Variants in DOK7 observed in about 807,000 individuals in gnomAD.
DOK7 encodes docking protein 7.
DOK7 carries 32 observed loss-of-function variants against 30.7 expected under a neutral mutation model. The observed-to-expected ratio is 1.04, with a 90% CI of 0.79 to 1.40. The LOEUF is 1.40. DOK7 is among the 40% of genes most tolerant of loss of function. The probability of loss-of-function intolerance (pLI) is 0.00; values close to 1 mark genes in which losing one functional copy is unlikely to be tolerated. For synonymous variants in DOK7, 447 were observed against 324.1 expected (o/e 1.38, Z -4.07); for missense variants, 1,007 against 699.2 (o/e 1.44, Z -4.97).
chr4:3,498,483 C>T (rs189108707), downstream of DOK7, among the ~76,000 whole-genome samples: 585 of 152,340 alleles, frequency 3.8e-3, 7 homozygotes, highest in Non-Finnish European at 4.6e-3. Flanking sequence ...AATCCTAAAA[C>T]GAGGTACCAG....
chr4:3,493,503 A>C lies in DOK7; in HGVS notation c.*2A>C. 6.2e-7 allele frequency: 1 copy of C among 1,610,788 alleles called. No homozygotes were observed. Among genetic ancestry groups the C allele is most frequent in the Non-Finnish European group, 8.5e-7 (1 of 1,179,168 alleles). ...CTCAAGGTAAACCCCCCTCCTTGAGAGCCGCAGATCCCGCCCCGCGGCTGC... is the reference window on the plus strand; with the variant it reads ...CTCAAGGTAAACCCCCCTCCTTGAGCGCCGCAGATCCCGCCCCGCGGCTGC... On this transcript the variant is annotated 3_prime_UTR_variant, in exon 7 of 7. Coordinates refer to ENST00000340083, the MANE Select transcript of DOK7 (RefSeq NM_173660.5).
chr4:3,479,030 C>A (rs1263628808), intron 4 of DOK7, among the ~76,000 whole-genome samples: 1 of 152,156 alleles, frequency 6.6e-6, no homozygotes, highest in Non-Finnish European at 1.5e-5. Flanking sequence ...AGATGACCCC[C>A]AAGAGAGGGC....
intron 4 of DOK7, among the ~76,000 whole-genome samples, chr4:3,477,222 T>C (rs1727150739): frequency 6.6e-6 from 1 of 152,272 alleles, no homozygotes; most frequent in Non-Finnish European, 1.5e-5. Flanking sequence ...TGCGCCAGGT[T>C]GCCCTGTGGA....
intron 4 of DOK7, 41 bp from the exon 5 acceptor site, chr4:3,485,498 C>A (rs772667190): frequency 1.3e-6 from 2 of 1,496,920 alleles, no homozygotes; most frequent in South Asian, 1.3e-5. Flanking sequence ...CCCCAGCCCG[C>A]CCTCGGGCCA....
chr4:3,485,797 T>A (rs1200921954), intron 5 of DOK7, 139 bp downstream of exon 5: 1 of 1,296,792 alleles, frequency 7.7e-7, no homozygotes, highest in African/African-American at 1.5e-5. Context: ...CCAGAACCTT[T>A]CCAGGCCAGG....
chr4:3,479,595 C>T (rs1272829476), intron 4 of DOK7, among the ~76,000 whole-genome samples: 1 of 152,258 alleles, frequency 6.6e-6, no homozygotes, highest in Non-Finnish European at 1.5e-5. Flanking sequence ...AACCGCCTCA[C>T]TTGGCCCCGC....
rs1441648881 is a variant in DOK7, at chr4:3,493,062, G to A, written c.1076G>A (p.Ser359Asn). 3 of 1,575,356 alleles carry A rather than the reference G, an allele frequency of 1.9e-6. No individual in the cohort carries two copies. Among genetic ancestry groups the A allele is most frequent in the Non-Finnish European group, 2.6e-6 (3 of 1,165,192 alleles). Reference sequence around the variant, plus strand: ...AGCCTCTCGTCCTACGCGGGCAGCAGCCTGGACGTGTGGCGGGCCACAGAT... The same window carrying A: ...AGCCTCTCGTCCTACGCGGGCAGCAACCTGGACGTGTGGCGGGCCACAGAT... Reference protein sequence around the residue: ...SSSLSSYAGSSLDVWRATDEL... With the variant: ...SSSLSSYAGSNLDVWRATDEL... The change falls in exon 7 of 7, where the codon AGC becomes AAC. Residue 359 changes from serine (S) to asparagine (N), a missense_variant. Coordinates refer to ENST00000340083, the MANE Select transcript of DOK7 (RefSeq NM_173660.5).
chr4:3,476,311 C>T lies in DOK7; in HGVS notation c.332-31C>T, dbSNP rs200458937. ...GTGATGTCCTCTCACCCTGCCCGCC[C>T]GTGATGCCCTCTTGCCCCGCCTGCC... On this transcript the variant is annotated intron_variant, in intron 3 of 6. Coordinates refer to ENST00000340083, the MANE Select transcript of DOK7 (RefSeq NM_173660.5). The T allele has an allele frequency of 1.9e-5, 30 of 1,567,094 alleles. 7 individuals carry two copies. The East Asian group carries it at 5.1e-4, about 26-fold the overall frequency.
chr4:3,489,656 C>T (rs376468312), intron 5 of DOK7, 21 bp from the exon 6 acceptor site: 55 of 1,561,982 alleles, frequency 3.5e-5, no homozygotes, highest in Admixed American at 1.1e-4. Flanking sequence ...CCTCCTCCAC[C>T]GAGTCTTCTC....
intron 4 of DOK7, among the ~76,000 whole-genome samples, chr4:3,479,245 C>G (rs1351790427): frequency 6.6e-6 from 1 of 152,262 alleles, no homozygotes; most frequent in Non-Finnish European, 1.5e-5. Flanking sequence ...CTGCGTGAGC[C>G]TCCTCTTCAG....
Position 3,473,489 on chromosome 4 carries a change from A to G in DOK7, c.184A>G (p.Ile62Val). ...RERSSLTLED[I>V]CGLEPGLPYE... ...GCGCAGCAGCCTGACGCTAGAGGAC[A>G]TCTGCGGGCTGGAGCCCGGCCTGCC... The change falls in exon 3 of 7, where the codon ATC becomes GTC. Residue 62 changes from isoleucine to valine, a missense_variant. Coordinates refer to ENST00000340083, the MANE Select transcript of DOK7 (RefSeq NM_173660.5). 6.2e-7 allele frequency: 1 copy of G among 1,611,206 alleles called. No individual in the cohort carries two copies. Among genetic ancestry groups the G allele is most frequent in the South Asian group, 1.1e-5 (1 of 90,994 alleles).
At position 3,473,380 on chromosome 4, in the gene DOK7, G is replaced by C. The variant is rs2344208; in HGVS notation, c.101-26G>C. ...GTGCGGGCAGGCGGTGTTGGCTGGC[G>C]TCCCTGACGGCCACGCTCCTTGCAG... On this transcript the variant is annotated intron_variant, in intron 2 of 6. Coordinates refer to ENST00000340083, the MANE Select transcript of DOK7 (RefSeq NM_173660.5). 0.17 allele frequency: 265,495 copies of C among 1,607,178 alleles called. 26,272 individuals are homozygous for C. The highest frequency in any genetic ancestry group is 0.42 in the African/African-American group (31,389 of 74,878).
intron 4 of DOK7, among the ~76,000 whole-genome samples, chr4:3,477,163 G>T (rs1727147147): frequency 6.6e-6 from 1 of 152,282 alleles, no homozygotes; most frequent in Non-Finnish European, 1.5e-5. Context: ...CTGTGCAGGA[G>T]CAGGTTGTTC....
rs546787954 is a variant in DOK7 at position 3,492,010 on chromosome 4, G to A, written c.773-749G>A. Among the ~76,000 whole-genome samples the A allele has an allele frequency of 1.0e-3, 157 of 152,322 alleles. 2 individuals carry two copies. Among genetic ancestry groups the A allele is most frequent in the African/African-American group, 3.6e-3 (151 of 41,574 alleles). On this transcript the variant is annotated intron_variant, in intron 6 of 6. Coordinates refer to ENST00000340083, the MANE Select transcript of DOK7 (RefSeq NM_173660.5). ...CCCTCCTGCCCTGCCCCAGGAGGAG[G>A]GGACTCAGGTTTGCAATAAGCTTTT...
chr4:3,491,232 GCT>G (rs1491489312), intron 6 of DOK7, among the ~76,000 whole-genome samples: 1 of 95,436 alleles, frequency 1.0e-5, no homozygotes, highest in Non-Finnish European at 1.9e-5. Flanking sequence ...TTCTCCCGCT[GCT>G]CTTTCATTCC....
rs1238766176 is a variant in DOK7 at position 3,491,275 on chromosome 4, A to C, written c.772+1479A>C. 3.1e-4 allele frequency among the ~76,000 whole-genome samples: 16 copies of C among 51,420 alleles called. No homozygotes were observed. In the Admixed American group the frequency reaches 3.6e-3, roughly 12 times the overall value. The allele number at this position is 51,420 out of a possible 152,430, so 33.7% of individuals were successfully genotyped here. A position where few individuals can be genotyped will look rare whatever the true frequency, so the allele number is the denominator to read the frequency against. On this transcript the variant is annotated intron_variant, in intron 6 of 6. Transcript: ENST00000340083. ...CCCTTGCTCATTCATTCCTTCATTC[A>C]TTCCTTCCTCCGCCCCCCCGCTCAT...
chr4:3,490,503 CTG>C (rs1728255809), intron 6 of DOK7, among the ~76,000 whole-genome samples: 1 of 126,650 alleles, frequency 7.9e-6, no homozygotes, highest in Non-Finnish European at 1.7e-5. Context: ...CCTTTTCCCC[CTG>C]CTCATTCTTT....
chr4:3,471,545 C>A (rs867225760), intron 2 of DOK7, among the ~76,000 whole-genome samples: 1 of 152,268 alleles, frequency 6.6e-6, no homozygotes, highest in Non-Finnish European at 1.5e-5. Context: ...GTGGAGACTG[C>A]GGGCTGTCCT....
intron 1 of DOK7, 24 bp from the exon 2 acceptor site, chr4:3,463,482 T>A: frequency 7.4e-7 from 1 of 1,359,710 alleles, no homozygotes; most frequent in Non-Finnish European, 9.5e-7. Flanking sequence ...GGGCGGCGGC[T>A]CACGCTCCCC....
Sources: allele counts gnomAD v4.1 joint callset (sites outside exome capture counted in the v4.1 genomes callset), GRCh38; gene constraint gnomAD v4.1.1; transcripts MANE v1.5; gene names NCBI Gene and HGNC (gene_info 2026-07-23, HGNC 2026-07-21).